EYS: variants seen among roughly 807,000 people sequenced by gnomAD.
EYS encodes EGF-like photoreceptor maintenance factor.
In EYS, 250 loss-of-function variants were observed where a neutral mutation model predicts 282.1. The observed-to-expected ratio is 0.89, with a 90% CI of 0.80 to 0.98. EYS has a LOEUF of 0.98. Among genes scored for constraint, EYS ranks in the 50% least tolerant of loss-of-function variants. The pLI is 0.00. For synonymous variants in EYS, 1,355 were observed against 1,282.9 expected (o/e 1.06, Z -1.20); for missense variants, 4,016 against 3,709.0 (o/e 1.08, Z -2.15).
At chr6:65,168,275 T>C (rs1765022555) in intron 12 of EYS, among the ~76,000 whole-genome samples, 1 of 151,308 alleles carries the variant, frequency 6.6e-6, no homozygotes, top group African/African-American at 2.4e-5. Flanking sequence ...ACCACCAAAA[T>C]CTAATTGCAA....
chr6:64,538,216 G>T (rs181814528), intron 26 of EYS, among the ~76,000 whole-genome samples: 1 of 152,238 alleles, frequency 6.6e-6, no homozygotes, highest in East Asian at 1.9e-4. Flanking sequence ...GAGGTATGTT[G>T]ATGTACTACC....
intron 36 of EYS, chr6:63,821,340 A>AGACT (rs1420537987): frequency 6.6e-6 from 1 of 152,234 alleles, no homozygotes; most frequent in African/African-American, 2.4e-5. Flanking sequence ...ATAAAGCAGG[A>AGACT]GACTGAAAAC....
At position 65,344,066 on chromosome 6, in the gene EYS, C is replaced by G. The variant is rs768679632; in HGVS notation, c.1571G>C (p.Cys524Ser). 6 of 1,610,684 alleles carry G rather than the reference C, an allele frequency of 3.7e-6. No individual in the cohort carries two copies. Among genetic ancestry groups the G allele is most frequent in the East Asian group, 2.2e-5 (1 of 44,756 alleles). Reference protein sequence around the residue: ...VNDPEDNNSSCWFPHEGTKEI... With the variant: ...VNDPEDNNSSSWFPHEGTKEI... ...TTTTGTGCCTTCATGTGGGAACCAA[C>G]ATGAAGAATTATTATCTTCAGGATC... Residue 524 changes from cysteine to serine, a missense_variant, in exon 10 of 43, where the codon TGT (cysteine) becomes TCT (serine). Physicochemically the swap from Cys to Ser is moderately radical, Grantham distance 112. Coordinates refer to ENST00000503581, the MANE Select transcript of EYS (RefSeq NM_001142800.2).
chr6:64,855,473 T>C lies in EYS; in HGVS notation c.2992+31224A>G, dbSNP rs111385976. Among the ~76,000 whole-genome samples the C allele has an allele frequency of 4.6e-3, 701 of 152,282 alleles. 2 individuals are homozygous for C. Among genetic ancestry groups the C allele is most frequent in the Middle Eastern group, 0.014 (4 of 294 alleles). ...TATTGTTATTTTGTATTGAGTATAC[T>C]ATTTTTAGAACAGTTTTGTATTAGT... On this transcript the variant is annotated intron_variant, in intron 19 of 42. Coordinates refer to ENST00000503581, the MANE Select transcript of EYS (RefSeq NM_001142800.2).
chr6:64,815,777 A>C (rs1167203666), intron 21 of EYS, among the ~76,000 whole-genome samples: 2 of 152,128 alleles, frequency 1.3e-5, no homozygotes, highest in Non-Finnish European at 2.9e-5. Context: ...TCTAGACAAC[A>C]GAGCTTGACC....
At chr6:65,381,615 C>T (rs1765613412) in intron 8 of EYS, among the ~76,000 whole-genome samples, 1 of 151,902 alleles carries the variant, frequency 6.6e-6, no homozygotes, top group South Asian at 2.1e-4. Flanking sequence ...GTACATCTAT[C>T]CCAGAACTTA....
intron 22 of EYS, among the ~76,000 whole-genome samples, chr6:64,636,553 C>A (rs1767987388): frequency 1.3e-5 from 2 of 152,066 alleles, no homozygotes; most frequent in South Asian, 4.2e-4. Flanking sequence ...GTCTAAAACA[C>A]CAAAAGCAAT....
At chr6:64,065,114 C>T (rs887430442) in intron 33 of EYS, among the ~76,000 whole-genome samples, 1 of 152,178 alleles carries the variant, frequency 6.6e-6, no homozygotes, top group Non-Finnish European at 1.5e-5. Context: ...TCCTATTTGT[C>T]AGATGCCCTG....
chr6:64,207,319 T>C (rs559270425), intron 31 of EYS, among the ~76,000 whole-genome samples: 2 of 152,070 alleles, frequency 1.3e-5, no homozygotes, highest in South Asian at 4.1e-4. Context: ...ACAAAGGCCC[T>C]CAACAGACAT....
intron 9 of EYS, among the ~76,000 whole-genome samples, chr6:65,344,880 C>T (rs1770336219): frequency 6.6e-6 from 1 of 151,580 alleles, no homozygotes; most frequent in Non-Finnish European, 1.5e-5. Context: ...TTTTTGTAAA[C>T]ATGACTACAT....
At chr6:65,390,917 T>C (rs920002371) in intron 7 of EYS, among the ~76,000 whole-genome samples, 1 of 151,780 alleles carries the variant, frequency 6.6e-6, no homozygotes, top group African/African-American at 2.4e-5. Context: ...AAAAAATACA[T>C]TGTGGATACT....
intron 12 of EYS, among the ~76,000 whole-genome samples, chr6:65,166,088 A>G (rs185416444): frequency 6.6e-6 from 1 of 151,292 alleles, no homozygotes; most frequent in Non-Finnish European, 1.5e-5. Flanking sequence ...AAAGTTAAAG[A>G]AGATCTAAAC....
intron 29 of EYS, among the ~76,000 whole-genome samples, chr6:64,309,100 G>C (rs111637698): frequency 0.037 from 5,576 of 152,078 alleles, 136 homozygotes; most frequent in Non-Finnish European, 0.059. Context: ...TGATTATAAT[G>C]ATAGTGAATG....
At chr6:64,056,812 C>T (rs1006240304) in intron 33 of EYS, among the ~76,000 whole-genome samples, 3 of 152,136 alleles carry the variant, frequency 2.0e-5, no homozygotes, top group African/African-American at 7.2e-5. Context: ...CAGCAGATGC[C>T]ACTGGGTACT....
At chr6:64,098,976 A>G (rs1039685032) in intron 31 of EYS, among the ~76,000 whole-genome samples, 6 of 152,182 alleles carry the variant, frequency 3.9e-5, no homozygotes, top group African/African-American at 1.2e-4. Flanking sequence ...TCTTTATGCA[A>G]GACAAATTAT....
At position 65,495,594 on chromosome 6, in the gene EYS, T is replaced by A; in HGVS notation, c.-184A>T. 1.6e-6 allele frequency: 1 copy of A among 624,648 alleles called. No individual in the cohort carries two copies. The allele number at this position is 624,648 out of a possible 1,614,324, so 38.7% of individuals were successfully genotyped here. On this transcript the variant is annotated 5_prime_UTR_variant, in exon 4 of 43. Coordinates refer to ENST00000503581, the MANE Select transcript of EYS (RefSeq NM_001142800.2). Reference sequence around the variant, plus strand: ...TTTGATGGAGAAACAGGAATTCAAATGTTGTAAATATTCCTTTAAACAGAA... The same window carrying A: ...TTTGATGGAGAAACAGGAATTCAAAAGTTGTAAATATTCCTTTAAACAGAA...
At chr6:65,189,754 A>T (rs1765598090) in intron 12 of EYS, among the ~76,000 whole-genome samples, 1 of 151,736 alleles carries the variant, frequency 6.6e-6, no homozygotes, top group Non-Finnish European at 1.5e-5. Flanking sequence ...TTACTCCCTA[A>T]GTGTCGAGTA....
chr6:65,510,255 G>T (rs1402590518), intron 2 of EYS, among the ~76,000 whole-genome samples: 1 of 143,718 alleles, frequency 7.0e-6, no homozygotes, highest in East Asian at 2.1e-4. Context: ...CCCACCTATG[G>T]GAATTGCGGT....
intron 13 of EYS, among the ~76,000 whole-genome samples, chr6:65,009,361 AC>A (rs1771791416): frequency 6.6e-6 from 1 of 152,110 alleles, no homozygotes; most frequent in African/African-American, 2.4e-5. Context: ...GATTAGTGTA[AC>A]ATCTCAGGGC....
Sources: allele counts gnomAD v4.1 joint callset (sites outside exome capture counted in the v4.1 genomes callset), GRCh38; gene constraint gnomAD v4.1.1; transcripts MANE v1.5; gene names NCBI Gene and HGNC (gene_info 2026-07-23, HGNC 2026-07-21).